Variants in RAB27A observed in about 807,000 individuals in gnomAD.
RAB27A encodes ras-related protein Rab-27A.
RAB27A carries 17 observed loss-of-function variants against 20.8 expected under a neutral mutation model. That is an observed-to-expected ratio of 0.82 (90% CI 0.56 to 1.23). The LOEUF (loss-of-function observed/expected upper bound fraction) is 1.23, where lower values mean the gene tolerates loss of function less well. Among genes scored for constraint, RAB27A ranks in the 50% most tolerant of loss-of-function variants. The pLI, the probability that RAB27A is intolerant of heterozygous loss-of-function variation, is 0.00. For missense variants in RAB27A, 277 were observed against 266.7 expected (o/e 1.04, Z -0.27); for synonymous variants, 85 against 92.8 (o/e 0.92, Z 0.48).
intron 1 of RAB27A, among the ~76,000 whole-genome samples, chr15:55,285,746 T>C (rs764551840): frequency 1.3e-4 from 20 of 152,202 alleles, no homozygotes; most frequent in Non-Finnish European, 2.1e-4. Context: ...CTGGCCAACA[T>C]GGTGAAACCC....
chr15:55,262,622 C>CT (rs1286984535), intron 2 of RAB27A, among the ~76,000 whole-genome samples: 1 of 123,064 alleles, frequency 8.1e-6, no homozygotes, highest in African/African-American at 3.8e-5. Context: ...AGTCTTATCT[C>CT]TTTTTTTTCT....
At chr15:55,239,708 T>C (rs1247224154) in intron 2 of RAB27A, among the ~76,000 whole-genome samples, 5 of 152,106 alleles carry the variant, frequency 3.3e-5, no homozygotes, top group African/African-American at 9.7e-5. Context: ...TTTAGCAAAT[T>C]TGGAGGCTGT....
chr15:55,216,258 G>T (rs912676054), intron 6 of RAB27A, among the ~76,000 whole-genome samples: 1 of 152,136 alleles, frequency 6.6e-6, no homozygotes, highest in Non-Finnish European at 1.5e-5. Flanking sequence ...ACACAGCCAG[G>T]CACCGTGGCT....
At position 55,234,948 on chromosome 15, in the gene RAB27A, G is replaced by A; in HGVS notation, c.-14C>T. The A allele has an allele frequency of 2.5e-6, 4 of 1,608,042 alleles. No homozygotes were observed. The highest frequency in any genetic ancestry group is 3.4e-6 in the Non-Finnish European group (4 of 1,176,958). ...TCCATCAGACATAATGAAGAACTCA[G>A]TAGTTCACCTGTAAAATACACACAA... On this transcript the variant is annotated 5_prime_UTR_variant, in exon 3 of 7. Transcript: ENST00000336787.
At chr15:55,243,346 A>G (rs1273598215) in intron 2 of RAB27A, among the ~76,000 whole-genome samples, 1 of 152,076 alleles carries the variant, frequency 6.6e-6, no homozygotes. Context: ...TCAAATAAGT[A>G]TTTTCCTCTC....
intron 1 of RAB27A, among the ~76,000 whole-genome samples, chr15:55,283,369 CGACT>C (rs111953183): frequency 0.098 from 14,907 of 152,068 alleles, 978 homozygotes; most frequent in African/African-American, 0.18. Flanking sequence ...AAAAACCGAC[CGACT>C]GATTCCTGAC....
Position 55,267,092 on chromosome 15 carries a change from T to G in RAB27A, c.-23+3073A>C, listed in dbSNP as rs191566898. On this transcript the variant is annotated intron_variant, in intron 2 of 6. Coordinates refer to ENST00000336787, the MANE Select transcript of RAB27A (RefSeq NM_183235.3). ...GTGATTGTCCACAGGCTGGCTCAGTTGCCACACCACAGAGGTACAAACTTG... is the reference window on the plus strand; with the variant it reads ...GTGATTGTCCACAGGCTGGCTCAGTGGCCACACCACAGAGGTACAAACTTG... Among the ~76,000 whole-genome samples, 72 of 152,336 alleles carry G rather than the reference T, an allele frequency of 4.7e-4. No individual in the cohort carries two copies. In the East Asian group the frequency reaches 0.014, roughly 29 times the overall value.
intron 6 of RAB27A, among the ~76,000 whole-genome samples, chr15:55,211,117 A>T (rs984476795): frequency 3.3e-5 from 5 of 152,070 alleles, no homozygotes; most frequent in African/African-American, 9.7e-5. Context: ...CCATTGGCCT[A>T]TGTGTCTGTT....
intron 5 of RAB27A, among the ~76,000 whole-genome samples, chr15:55,224,737 GA>G (rs775733115): frequency 6.6e-6 from 1 of 152,142 alleles, no homozygotes. Context: ...TTCAAAGTAG[GA>G]AAATAACACC....
At chr15:55,260,841 C>T (rs1897244304) in intron 2 of RAB27A, among the ~76,000 whole-genome samples, 1 of 152,118 alleles carries the variant, frequency 6.6e-6, no homozygotes, top group Non-Finnish European at 1.5e-5. Flanking sequence ...TTGTGTGACA[C>T]TATAACATAG....
chr15:55,218,215 TCA>T (rs891571375), intron 6 of RAB27A, among the ~76,000 whole-genome samples: 4 of 152,142 alleles, frequency 2.6e-5, no homozygotes, highest in African/African-American at 9.7e-5. Flanking sequence ...ACACTACTTT[TCA>T]CAGTCTGTTG....
rs113911906 is a variant in RAB27A, at chr15:55,223,508, C to CA, written c.467+380dup. 2.1e-3 allele frequency among the ~76,000 whole-genome samples: 279 copies of CA among 133,412 alleles called. 3 individuals are homozygous for CA. The highest frequency in any genetic ancestry group is 5.8e-3 in the South Asian group (24 of 4,144). 87.5% of individuals were successfully genotyped at this position (133,412 alleles called of 152,430 possible). ...TGGGTGACAGTGTGAGACTCTGTCT[C>CA]AAAAAAAAAAAAGAAAAGAAATGAA... On this transcript the variant is annotated intron_variant, in intron 6 of 6. Transcript: ENST00000336787.
chr15:55,234,784 C>T lies in RAB27A; in HGVS notation c.151G>A (p.Val51Met). 1 of 1,609,584 alleles carries T rather than the reference C, an allele frequency of 6.2e-7. No homozygotes were observed. The highest frequency in any genetic ancestry group is 8.5e-7 in the Non-Finnish European group (1 of 1,176,218). ...TVGIDFREKR[V>M]VYRASGPDGA... is the part of the protein sequence containing the mutation. ...ACATAGAAGGATATAGAACTTACCA[C>T]TCTTTTTTCCCTGAAATCAATGCCC... Residue 51 changes from valine to methionine, a missense_variant and splice_region_variant, in exon 3 of 7, where the codon GTG becomes ATG. Physicochemically the swap from Val to Met is conservative, Grantham distance 21. Transcript: ENST00000336787.
intron 2 of RAB27A, among the ~76,000 whole-genome samples, chr15:55,256,823 A>G (rs1249278925): frequency 1.3e-5 from 2 of 152,190 alleles, no homozygotes; most frequent in South Asian, 2.1e-4. Context: ...TTTGACCACA[A>G]TGGTCTCTTT....
intron 2 of RAB27A, among the ~76,000 whole-genome samples, chr15:55,265,709 T>C (rs1489105679): frequency 6.6e-6 from 1 of 150,444 alleles, no homozygotes; most frequent in Non-Finnish European, 1.5e-5. Context: ...TGCGGGCAGG[T>C]AAGGGTTTGA....
chr15:55,297,075 G>T (rs1342418338), intron 2 of RAB27A, among the ~76,000 whole-genome samples: 2 of 152,198 alleles, frequency 1.3e-5, no homozygotes, highest in Non-Finnish European at 2.9e-5. Flanking sequence ...GGAGGGTAAA[G>T]GGAAGCCTTT....
intron 2 of RAB27A, among the ~76,000 whole-genome samples, chr15:55,312,439 G>T (rs894657771): frequency 6.6e-6 from 1 of 152,206 alleles, no homozygotes; most frequent in Non-Finnish European, 1.5e-5. Context: ...AGGCCATATA[G>T]TAGCTCTACG....
At chr15:55,220,122 T>A (rs889598397) in intron 6 of RAB27A, among the ~76,000 whole-genome samples, 1 of 152,210 alleles carries the variant, frequency 6.6e-6, no homozygotes, top group Non-Finnish European at 1.5e-5. Flanking sequence ...CAGATTAACA[T>A]TCCATTTTCG....
chr15:55,280,315 C>T (rs998833617), intron 1 of RAB27A, among the ~76,000 whole-genome samples: 10 of 151,980 alleles, frequency 6.6e-5, no homozygotes, highest in African/African-American at 2.4e-4. Context: ...CTCTTCCAGC[C>T]TGAGTTTACT....
Sources: gnomAD v4.1 joint callset for allele counts (sites outside exome capture counted in the v4.1 genomes callset) on GRCh38, gnomAD v4.1.1 for gene constraint, MANE v1.5 for transcripts, NCBI Gene and HGNC (gene_info 2026-07-23, HGNC 2026-07-21) for gene names.